The following PCLO variants were observed in gnomAD, a reference collection of about 807,000 sequenced individuals.
The protein encoded by PCLO is protein piccolo.
Under a neutral mutation model 427.5 loss-of-function variants are expected in PCLO, and 82 were observed. That is an observed-to-expected ratio of 0.19 (90% CI 0.16 to 0.23). The LOEUF (loss-of-function observed/expected upper bound fraction) is 0.23. PCLO is among the 10% of genes least tolerant of loss of function. The pLI, the probability that PCLO is intolerant of heterozygous loss-of-function variation, is 1.00. For missense variants in PCLO, 6,239 were observed against 6,115.9 expected (o/e 1.02, Z -0.67); for synonymous variants, 2,357 against 2,155.4 (o/e 1.09, Z -2.59).
intron 3 of PCLO, among the ~76,000 whole-genome samples, chr7:83,093,472 G>GTGTGTGTATATATA (rs745824155): frequency 3.0e-5 from 3 of 99,166 alleles, no homozygotes; most frequent in East Asian, 7.8e-4. Context: ...ATGTGTGTGT[G>GTGTGTGTATATATA]TATAGATATA....
chr7:82,825,711 C>A (rs1378232064), intron 18 of PCLO, among the ~76,000 whole-genome samples: 1 of 146,830 alleles, frequency 6.8e-6, no homozygotes, highest in East Asian at 2.0e-4. Flanking sequence ...TGTAGACATA[C>A]AATTGTATAC....
chr7:82,905,647 G>A (rs906056432), intron 8 of PCLO, among the ~76,000 whole-genome samples: 2 of 151,972 alleles, frequency 1.3e-5, no homozygotes, highest in African/African-American at 4.8e-5. Flanking sequence ...CAGTTACATG[G>A]ACACCTGGGT....
rs148481585 is a variant in PCLO at position 82,796,842 on chromosome 7, C to A, written c.15007+4676G>T. On this transcript the variant is annotated intron_variant, in intron 22 of 24. Coordinates refer to ENST00000333891, the MANE Select transcript of PCLO (RefSeq NM_033026.6). ...AGATGGACAGTATGCTCCCTCAGAT[C>A]AGTATATGTACTGAATTGATCTCTG... Among the ~76,000 whole-genome samples, 289 of 147,700 alleles carry A rather than the reference C, an allele frequency of 2.0e-3. 2 individuals are homozygous for A. In the Middle Eastern group the frequency reaches 0.051, roughly 26 times the overall value.
chr7:83,102,978 CAAAAATGGTATGTTTATT>C (rs1790771410), intron 3 of PCLO, among the ~76,000 whole-genome samples: 2 of 99,090 alleles, frequency 2.0e-5, no homozygotes, highest in African/African-American at 7.6e-5. Context: ...ATTTGTATAC[CAAAAATGGTATGTTTATT>C]TCCCTTCCTG....
intron 22 of PCLO, among the ~76,000 whole-genome samples, chr7:82,799,314 T>G (rs1791293379): frequency 6.6e-6 from 1 of 152,182 alleles, no homozygotes; most frequent in South Asian, 2.1e-4. Context: ...TGCTAAGTGC[T>G]GGGATACCAA....
chr7:83,045,930 CA>C (rs1452637980), intron 3 of PCLO, among the ~76,000 whole-genome samples: 1 of 152,044 alleles, frequency 6.6e-6, no homozygotes, highest in Non-Finnish European at 1.5e-5. Flanking sequence ...GTGGCTTTAA[CA>C]ACTGAAATTT....
intron 3 of PCLO, among the ~76,000 whole-genome samples, chr7:83,103,244 C>T (rs1388683994): frequency 2.6e-5 from 4 of 151,930 alleles, no homozygotes; most frequent in African/African-American, 4.8e-5. Context: ...TAACTTAGCT[C>T]GCAATTAACT....
intron 3 of PCLO, among the ~76,000 whole-genome samples, chr7:83,074,776 C>G (rs1264229625): frequency 6.6e-6 from 1 of 152,058 alleles, no homozygotes; most frequent in Non-Finnish European, 1.5e-5. Context: ...TATTCTTGAT[C>G]CAAATACTGC....
Position 83,134,946 on chromosome 7 carries a change from G to A in PCLO, c.2604C>T (p.Ala868=), listed in dbSNP as rs765391421. 4 of 1,608,414 alleles carry A rather than the reference G, an allele frequency of 2.5e-6. No individual in the cohort carries two copies. The highest frequency in any genetic ancestry group is 1.7e-5 in the Admixed American group (1 of 59,242). Residue 868 remains alanine, a synonymous_variant, in exon 3 of 25, where the codon GCC becomes GCT. Transcript: ENST00000333891. The part of the protein sequence containing the change: ...AQTKMSPKPD[A]KPMPKGSPTP... Reference sequence around the variant, plus strand: ...TTGGTGACCCTTTTGGCATTGGCTTGGCATCTGGTTTAGGACTCATTTTGG... The same window carrying A: ...TTGGTGACCCTTTTGGCATTGGCTTAGCATCTGGTTTAGGACTCATTTTGG...
At chr7:82,781,312 C>A (rs1228464225) in intron 22 of PCLO, among the ~76,000 whole-genome samples, 1 of 151,356 alleles carries the variant, frequency 6.6e-6, no homozygotes. Flanking sequence ...TAAAAATAAC[C>A]AACAACCCCC....
intron 9 of PCLO, among the ~76,000 whole-genome samples, chr7:82,889,355 T>C (rs909907682): frequency 1.3e-5 from 2 of 152,122 alleles, no homozygotes; most frequent in Non-Finnish European, 2.9e-5. Flanking sequence ...ACAATTAAAT[T>C]ATAAAATATT....
rs80278153 is a variant in PCLO, at chr7:82,879,847, T to C, written c.13529-385A>G. ...ACTTATAGAAGAGCAGTAATGACTA[T>C]TCCAAATTGAGAAGACACAATCCAA... is the stretch of plus-strand genomic sequence containing the variant. On this transcript the variant is annotated intron_variant, in intron 9 of 24. Transcript: ENST00000333891. 8.6e-3 allele frequency: 3,910 copies of C among 454,562 alleles called. 138 individuals are homozygous for C. Among genetic ancestry groups the C allele is most frequent in the African/African-American group, 0.071 (3,538 of 50,002 alleles). 28.2% of individuals were successfully genotyped at this position (454,562 alleles called of 1,614,324 possible).
chr7:82,956,228 A>T lies in PCLO; in HGVS notation c.4725T>A (p.Asp1575Glu), dbSNP rs751094351. Reference sequence around the variant, plus strand: ...CTTTGAGCTGGTTTCTGATGAACTCATCATCTTCAGAACCTGAAGCATCTT... The same window carrying T: ...CTTTGAGCTGGTTTCTGATGAACTCTTCATCTTCAGAACCTGAAGCATCTT... Reference protein sequence around the residue: ...ADEDASGSEDDEFIRNQLKEI... With the variant: ...ADEDASGSEDEEFIRNQLKEI... Residue 1575 changes from aspartate (D) to glutamate (E), a missense_variant, in exon 5 of 25, where the codon GAT (aspartate) becomes GAA (glutamate). Asp to Glu is a conservative substitution (Grantham distance 45). Coordinates refer to ENST00000333891, the MANE Select transcript of PCLO (RefSeq NM_033026.6). 6.8e-6 allele frequency: 11 copies of T among 1,610,906 alleles called. No individual in the cohort carries two copies. The East Asian group carries it at 1.8e-4, about 26-fold the overall frequency.
chr7:82,921,085 A>G (rs1159992755), intron 6 of PCLO, among the ~76,000 whole-genome samples: 1 of 151,924 alleles, frequency 6.6e-6, no homozygotes, highest in Non-Finnish European at 1.5e-5. Context: ...TTGCCCACAA[A>G]TAACTAATAA....
At chr7:82,999,245 T>C (rs917070902) in intron 3 of PCLO, among the ~76,000 whole-genome samples, 4 of 144,342 alleles carry the variant, frequency 2.8e-5, no homozygotes, top group East Asian at 4.0e-4. Flanking sequence ...ATATAAAATA[T>C]ATATGGATAT....
At chr7:83,067,057 T>C (rs943387552) in intron 3 of PCLO, among the ~76,000 whole-genome samples, 2 of 152,210 alleles carry the variant, frequency 1.3e-5, no homozygotes, top group East Asian at 1.9e-4. Context: ...TATAAAATTA[T>C]CTTCATGCTA....
chr7:82,840,811 T>A (rs1445779488), intron 14 of PCLO, among the ~76,000 whole-genome samples: 1 of 152,024 alleles, frequency 6.6e-6, no homozygotes, highest in Non-Finnish European at 1.5e-5. Flanking sequence ...TCTTTCTATA[T>A]GCTATTTCTT....
At chr7:83,152,819 T>C (rs1792171289) in intron 2 of PCLO, among the ~76,000 whole-genome samples, 1 of 152,202 alleles carries the variant, frequency 6.6e-6, no homozygotes, top group South Asian at 2.1e-4. Context: ...TGGTCACATA[T>C]ATTATATTTT....
In PCLO at chr7:82,782,621, A is replaced by C. The variant is rs548217510; in HGVS notation, c.15007+18897T>G. ...TGTCACATATAAAAATGATATACTA[A>C]ATGAATTATGTATAAATTCTAAATG... On this transcript the variant is annotated intron_variant, in intron 22 of 24. Transcript: ENST00000333891. Among the ~76,000 whole-genome samples the C allele has an allele frequency of 3.0e-4, 45 of 152,296 alleles. No individual in the cohort carries two copies. In the South Asian group the frequency reaches 8.9e-3, roughly 30 times the overall value.
Sources: allele counts gnomAD v4.1 joint callset (sites outside exome capture counted in the v4.1 genomes callset), GRCh38; gene constraint gnomAD v4.1.1; transcripts MANE v1.5; gene names NCBI Gene and HGNC (gene_info 2026-07-23, HGNC 2026-07-21).